The following BIN1 variants were observed in gnomAD, a reference collection of about 807,000 sequenced individuals.
BIN1 encodes the protein myc box-dependent-interacting protein 1.
Under a neutral mutation model 82.0 loss-of-function variants are expected in BIN1, and 53 were observed. The observed-to-expected ratio is 0.65, with a 90% CI of 0.52 to 0.81. The LOEUF (loss-of-function observed/expected upper bound fraction) is 0.81. Among genes scored for constraint, BIN1 ranks in the 40% least tolerant of loss-of-function variants. The probability of loss-of-function intolerance (pLI) is 0.00; values close to 1 mark genes in which losing one functional copy is unlikely to be tolerated. For missense variants in BIN1, 642 were observed against 784.4 expected (o/e 0.82, Z 2.17); for synonymous variants, 302 against 328.0 (o/e 0.92, Z 0.86).
intron 10 of BIN1, among the ~76,000 whole-genome samples, chr2:127,061,777 G>A (rs1022968432): frequency 2.0e-5 from 3 of 152,072 alleles, no homozygotes; most frequent in Admixed American, 1.3e-4. Flanking sequence ...GAGTCTTTCA[G>A]TCCTGTTCAC....
At chr2:127,086,510 TC>T (rs1678180122) in intron 1 of BIN1, among the ~76,000 whole-genome samples, 1 of 146,504 alleles carries the variant, frequency 6.8e-6, no homozygotes, top group Non-Finnish European at 1.5e-5. Context: ...CATCTTTTTT[TC>T]TTTTTTTTTT....
At chr2:127,081,276 C>T (rs949707660) in intron 1 of BIN1, among the ~76,000 whole-genome samples, 1 of 152,194 alleles carries the variant, frequency 6.6e-6, no homozygotes, top group Non-Finnish European at 1.5e-5. Flanking sequence ...TCACCAGGGC[C>T]GCCTCCTCAG....
intron 10 of BIN1, among the ~76,000 whole-genome samples, chr2:127,060,967 C>T (rs1011429634): frequency 4.6e-5 from 7 of 152,178 alleles, no homozygotes; most frequent in South Asian, 2.1e-4. Flanking sequence ...GGCCCCCAGG[C>T]GAGCACAGAG....
At chr2:127,061,546 C>T (rs1183066785) in intron 10 of BIN1, among the ~76,000 whole-genome samples, 2 of 152,236 alleles carry the variant, frequency 1.3e-5, no homozygotes, top group Non-Finnish European at 2.9e-5. Flanking sequence ...CTCTGATCCA[C>T]AGCCAGGAAA....
At chr2:127,104,481 C>A (rs1390168332) in intron 1 of BIN1, among the ~76,000 whole-genome samples, 1 of 152,132 alleles carries the variant, frequency 6.6e-6, no homozygotes, top group Non-Finnish European at 1.5e-5. Flanking sequence ...AAGATACGGG[C>A]CCTTCTTCCT....
chr2:127,060,450 C>T, intron 10 of BIN1: 3 of 1,246,002 alleles, frequency 2.4e-6, no homozygotes, highest in Admixed American at 1.8e-5. Context: ...TCCCACCCAA[C>T]ACGCACACGA....
chr2:127,053,598 G>A, intron 13 of BIN1, 153 bp from the exon 14 acceptor site: 1 of 1,040,116 alleles, frequency 9.6e-7, no homozygotes, highest in Non-Finnish European at 1.5e-6. Flanking sequence ...TCCAAGATTT[G>A]CAGGTGGCCG....
chr2:127,075,232 G>A (rs1394859755), intron 2 of BIN1, among the ~76,000 whole-genome samples: 1 of 152,294 alleles, frequency 6.6e-6, no homozygotes, highest in East Asian at 1.9e-4. Context: ...GAGAATATCA[G>A]CCCCATCTCA....
intron 14 of BIN1, 94 bp downstream of exon 14, chr2:127,053,328 T>C (rs1377056467): frequency 6.5e-7 from 1 of 1,546,738 alleles, no homozygotes; most frequent in Non-Finnish European, 8.9e-7. Flanking sequence ...GTGGGGTGCA[T>C]GCACCTGTGA....
rs1020671185 is a variant in BIN1, at chr2:127,048,194, C to T, written c.*332G>A. 6 of 379,816 alleles carry T rather than the reference C, an allele frequency of 1.6e-5. No individual in the cohort carries two copies. The highest frequency in any genetic ancestry group is 1.3e-4 in the East Asian group (2 of 15,946). 23.5% of individuals were successfully genotyped at this position (379,816 alleles called of 1,614,324 possible). A position where few individuals can be genotyped will look rare whatever the true frequency, so the allele number is the denominator to read the frequency against. On this transcript the variant is annotated 3_prime_UTR_variant, in exon 19 of 19. Transcript: ENST00000316724. ...AAAGAGGACCCTTGCCCGGGTGGCG[C>T]GGCCGAAGCTTCAGGCAAGCATGGT... is the stretch of plus-strand genomic sequence containing the variant.
At chr2:127,099,616 C>T (rs1254666774) in intron 1 of BIN1, among the ~76,000 whole-genome samples, 3 of 152,144 alleles carry the variant, frequency 2.0e-5, no homozygotes, top group Non-Finnish European at 4.4e-5. Flanking sequence ...CGGGTTCAAG[C>T]GATTCTCCTG....
intron 9 of BIN1, 128 bp downstream of exon 9, chr2:127,063,442 GC>G (rs1175187200): frequency 4.0e-6 from 4 of 1,012,350 alleles, no homozygotes; most frequent in Non-Finnish European, 6.0e-6. Flanking sequence ...CCGGGAGGGA[GC>G]CCTGTGGTCA....
At chr2:127,064,810 G>A (rs772580696) in intron 7 of BIN1, 6 of 153,236 alleles carry the variant, frequency 3.9e-5, no homozygotes, top group Non-Finnish European at 8.7e-5. Context: ...CACGGCCACA[G>A]AGTGCTGGGG....
At chr2:127,072,482 TG>T in intron 2 of BIN1, among the ~76,000 whole-genome samples, 1 of 152,196 alleles carries the variant, frequency 6.6e-6, no homozygotes, top group South Asian at 2.1e-4. Context: ...GGGTGTTTTG[TG>T]GGTAATGGGT....
At chr2:127,086,333 T>A (rs1459229533) in intron 1 of BIN1, among the ~76,000 whole-genome samples, 1 of 152,178 alleles carries the variant, frequency 6.6e-6, no homozygotes, top group East Asian at 1.9e-4. Flanking sequence ...CACTCCATCT[T>A]GCTTTGATCC....
chr2:127,048,444 G>T lies in BIN1; in HGVS notation c.*82C>A, dbSNP rs111649895. 1.2e-3 allele frequency: 1,709 copies of T among 1,384,950 alleles called. 19 individuals are homozygous for T. In the African/African-American group the frequency reaches 0.022, roughly 18 times the overall value. The allele number at this position is 1,384,950 out of a possible 1,614,324, so 85.8% of individuals were successfully genotyped here. On this transcript the variant is annotated 3_prime_UTR_variant, in exon 19 of 19. Transcript: ENST00000316724. ...CTTTGCTCTTCAAAAGATGAAAAACGAAAACAAAACAAAAAAAAGAACCAC... is the reference window on the plus strand; with the variant it reads ...CTTTGCTCTTCAAAAGATGAAAAACTAAAACAAAACAAAAAAAAGAACCAC...
At position 127,052,362 on chromosome 2, in the gene BIN1, G is replaced by T; in HGVS notation, c.1264C>A (p.Pro422Thr). The T allele has an allele frequency of 1.3e-6, 2 of 1,573,860 alleles. No individual in the cohort carries two copies. The highest frequency in any genetic ancestry group is 1.7e-6 in the Non-Finnish European group (2 of 1,160,340). The stretch of plus-strand genomic sequence containing the variant: ...AGGCTGCCGGCTGGACTCTCTGTGG[G>T]CTGGTAACAGGCCACGAGGAGAGAA... ...GQSIPWDLWEPTESPAGSLPS... is the reference protein window; with the variant it reads ...GQSIPWDLWETTESPAGSLPS... The change falls in exon 15 of 19, where the codon CCC becomes ACC. Residue 422 changes from proline to threonine, a missense_variant and splice_region_variant. Pro to Thr is a conservative substitution (Grantham distance 38). Transcript: ENST00000316724.
At position 127,060,705 on chromosome 2, in the gene BIN1, G is replaced by C. The variant is rs75761293; in HGVS notation, c.857+1410C>G. On this transcript the variant is annotated intron_variant, in intron 10 of 18. Coordinates refer to ENST00000316724, the MANE Select transcript of BIN1 (RefSeq NM_139343.3). ...GAAAGGCCAGGTGCAGAACTGGCCT[G>C]TCCCCTTCCCTCTTTGCCAACCCTT... 1.9e-3 allele frequency: 3,005 copies of C among 1,588,386 alleles called. 46 individuals are homozygous for C. In the African/African-American group the frequency reaches 0.037, roughly 19 times the overall value.
intron 1 of BIN1, among the ~76,000 whole-genome samples, chr2:127,092,542 G>A (rs895304200): frequency 6.6e-6 from 1 of 152,152 alleles, no homozygotes; most frequent in Non-Finnish European, 1.5e-5. Flanking sequence ...ACACCTGCCC[G>A]CAGTCCCTAG....
Sources: allele counts gnomAD v4.1 joint callset (sites outside exome capture counted in the v4.1 genomes callset), GRCh38; gene constraint gnomAD v4.1.1; transcripts MANE v1.5; gene names NCBI Gene and HGNC (gene_info 2026-07-23, HGNC 2026-07-21).